The following SIK3 variants were observed in gnomAD, a reference collection of about 807,000 sequenced individuals.
The protein encoded by SIK3 is serine/threonine-protein kinase SIK3.
Under a neutral mutation model 144.2 loss-of-function variants are expected in SIK3, and 28 were observed. The observed-to-expected ratio is 0.19, with a 90% CI of 0.14 to 0.27. SIK3 has a LOEUF of 0.27. Ranked by LOEUF, SIK3 falls within the 10% of genes least tolerant of loss-of-function variation. The probability of loss-of-function intolerance (pLI) is 1.00; values close to 1 mark genes in which losing one functional copy is unlikely to be tolerated. For missense variants in SIK3, 1,319 were observed against 1,776.0 expected, an observed-to-expected ratio of 0.74 and a Z score of 4.62; for synonymous variants, 686 against 676.3, an observed-to-expected ratio of 1.01 and a Z score of -0.22.
chr11:117,001,505 CAAAAA>C (rs35444420), intron 1 of SIK3, among the ~76,000 whole-genome samples: 1 of 147,338 alleles, frequency 6.8e-6, no homozygotes, highest in Non-Finnish European at 1.5e-5. Context: ...GATTCCATCT[CAAAAA>C]AAAAAAATTT....
At chr11:116,998,529 C>T (rs1950747616) in intron 1 of SIK3, among the ~76,000 whole-genome samples, 1 of 151,514 alleles carries the variant, frequency 6.6e-6, no homozygotes, top group African/African-American at 2.4e-5. Context: ...TGAAATTCCT[C>T]CTCTTAGCTA....
intron 3 of SIK3, among the ~76,000 whole-genome samples, chr11:116,950,938 TTTTC>T (rs1176595536): frequency 1.3e-5 from 2 of 152,188 alleles, no homozygotes; most frequent in East Asian, 1.9e-4. Flanking sequence ...CTGGGTTTTG[TTTTC>T]TTTAATAGTT....
chr11:116,967,103 A>G (rs1160177784), intron 1 of SIK3, among the ~76,000 whole-genome samples: 1 of 152,216 alleles, frequency 6.6e-6, no homozygotes, highest in African/African-American at 2.4e-5. Context: ...GGCCTAAAAT[A>G]CAAGGTTGTC....
intron 6 of SIK3, among the ~76,000 whole-genome samples, chr11:116,893,579 G>A (rs1475000445): frequency 6.6e-6 from 1 of 152,074 alleles, no homozygotes; most frequent in African/African-American, 2.4e-5. Context: ...GGAGGCTAAG[G>A]GAGGATCACT....
At chr11:117,048,087 TA>T (rs1334126293) in intron 1 of SIK3, among the ~76,000 whole-genome samples, 2 of 152,218 alleles carry the variant, frequency 1.3e-5, no homozygotes, top group African/African-American at 4.8e-5. Flanking sequence ...GATTTATTTC[TA>T]AAACCTTAAA....
chr11:116,848,295 C>T (rs1445317436), intron 22 of SIK3, among the ~76,000 whole-genome samples: 1 of 151,916 alleles, frequency 6.6e-6, no homozygotes, highest in East Asian at 1.9e-4. Flanking sequence ...TGCAGTGAGC[C>T]GAGATTGCGC....
At chr11:117,037,409 C>A (rs1365521642) in intron 1 of SIK3, among the ~76,000 whole-genome samples, 2 of 152,110 alleles carry the variant, frequency 1.3e-5, no homozygotes, top group African/African-American at 2.4e-5. Flanking sequence ...AAGTCAACTA[C>A]AAGAGATATC....
At chr11:116,877,278 C>A (rs1169421940) in intron 6 of SIK3, among the ~76,000 whole-genome samples, 1 of 152,144 alleles carries the variant, frequency 6.6e-6, no homozygotes, top group Admixed American at 6.5e-5. Context: ...GTTGCCTTCA[C>A]CAAAAGGCTG....
At position 116,910,309 on chromosome 11, in the gene SIK3, C is replaced by T. The variant is rs189986472; in HGVS notation, c.617-12992G>A. The stretch of plus-strand genomic sequence containing the variant: ...TAAACTATCAAATGAAAAAACATAG[C>T]CAGAAAAGAAGAAAAAAAAACCTAG... On this transcript the variant is annotated intron_variant, in intron 4 of 24. Transcript: ENST00000445177. Among the ~76,000 whole-genome samples the T allele has an allele frequency of 1.1e-3, 165 of 151,604 alleles. 1 individual carries two copies. Among genetic ancestry groups the T allele is most frequent in the African/African-American group, 3.3e-3 (135 of 41,338 alleles).
chr11:116,961,189 T>C (rs891388489), intron 1 of SIK3, among the ~76,000 whole-genome samples: 8 of 152,330 alleles, frequency 5.3e-5, no homozygotes, highest in African/African-American at 1.9e-4. Context: ...CAGGCTCCCC[T>C]TGCCAACCCT....
chr11:116,874,081 AAGTTT>A (rs753866067), intron 11 of SIK3, 25 bp from the exon 12 acceptor site: 71 of 1,612,110 alleles, frequency 4.4e-5, no homozygotes, highest in Non-Finnish European at 5.8e-5. Flanking sequence ...AATGACAGAG[AAGTTT>A]AGTTAACATT....
At chr11:116,999,604 T>C (rs78985920) in intron 1 of SIK3, among the ~76,000 whole-genome samples, 2 of 138,940 alleles carry the variant, frequency 1.4e-5, no homozygotes, top group African/African-American at 2.7e-5. Context: ...CTTTTCTTTT[T>C]TGTTTTTTCA....
At chr11:117,091,262 C>T (rs945437167) in intron 1 of SIK3, among the ~76,000 whole-genome samples, 4 of 134,630 alleles carry the variant, frequency 3.0e-5, no homozygotes, top group African/African-American at 5.6e-5. Context: ...TGGAGTGCGA[C>T]GGCACGATCT....
chr11:117,031,729 G>T (rs1455277197), intron 1 of SIK3, among the ~76,000 whole-genome samples: 3 of 117,678 alleles, frequency 2.5e-5, no homozygotes, highest in East Asian at 5.1e-4. Flanking sequence ...ATTTAGTAGA[G>T]ACGGGGTTTC....
chr11:116,879,988 G>C (rs1944464140), intron 6 of SIK3, among the ~76,000 whole-genome samples: 1 of 152,086 alleles, frequency 6.6e-6, no homozygotes, highest in African/African-American at 2.4e-5. Context: ...AGAAGGCTAG[G>C]ACCAAACTGT....
At chr11:116,894,760 T>C (rs77349713) in intron 6 of SIK3, among the ~76,000 whole-genome samples, 11,646 of 152,224 alleles carry the variant, frequency 0.077, 521 homozygotes, top group Middle Eastern at 0.12. Context: ...CTGCCACACA[T>C]GGTAGGTAGC....
rs767024932 is a variant in SIK3, at chr11:116,863,756, C to A, written c.2015G>T (p.Arg672Leu). 1.2e-6 allele frequency: 2 copies of A among 1,614,062 alleles called. No homozygotes were observed. Among genetic ancestry groups the A allele is most frequent in the Admixed American group, 1.7e-5 (1 of 60,008 alleles). ...LPTERFSPVR[R>L]FSDGAASIQA... is the part of the protein sequence containing the mutation. ...GATGCTCGCAGCCCCATCTGAGAAC[C>A]GGCGCACAGGGGAGAAACGCTCCGT... The change falls in exon 16 of 25, where the codon CGG (arginine) becomes CTG (leucine). Residue 672 changes from arginine to leucine, a missense_variant. Coordinates refer to ENST00000445177, the MANE Select transcript of SIK3 (RefSeq NM_001366686.3).
At chr11:116,861,163 G>T in intron 19 of SIK3, 111 bp downstream of exon 19, 1 of 868,132 alleles carries the variant, frequency 1.2e-6, no homozygotes, top group Non-Finnish European at 1.8e-6. Flanking sequence ...CCATACCCCT[G>T]AATACTATGT....
intron 1 of SIK3, among the ~76,000 whole-genome samples, chr11:117,077,954 A>C (rs1954622825): frequency 6.6e-6 from 1 of 152,224 alleles, no homozygotes; most frequent in African/African-American, 2.4e-5. Flanking sequence ...CTTTTTCAGG[A>C]AAGTCTGAAA....
Sources: allele counts gnomAD v4.1 joint callset (sites outside exome capture counted in the v4.1 genomes callset), GRCh38; gene constraint gnomAD v4.1.1; transcripts MANE v1.5; gene names NCBI Gene and HGNC (gene_info 2026-07-23, HGNC 2026-07-21).